NAXD: variants seen among roughly 807,000 people sequenced by gnomAD.
NAXD encodes ATP-dependent (S)-NAD(P)H-hydrate dehydratase.
Under a neutral mutation model 35.8 loss-of-function variants are expected in NAXD, and 22 were observed. That is an observed-to-expected ratio of 0.62 (90% confidence interval 0.44 to 0.88). The LOEUF is 0.88. Ranked by LOEUF, NAXD falls within the 40% of genes least tolerant of loss-of-function variation. The pLI is 0.00. For missense variants in NAXD, 428 were observed against 437.7 expected, an observed-to-expected ratio of 0.98 and a Z score of 0.20; for synonymous variants, 189 against 177.6, an observed-to-expected ratio of 1.06 and a Z score of -0.51.
intron 5 of NAXD, among the ~76,000 whole-genome samples, chr13:110,629,870 A>G (rs1392433857): frequency 6.6e-6 from 1 of 152,132 alleles, no homozygotes; most frequent in Non-Finnish European, 1.5e-5. Context: ...GATTCTCCAC[A>G]TCGTTCCCAG....
chr13:110,637,453 G>T (rs1004327424), intron 9 of NAXD, among the ~76,000 whole-genome samples: 11 of 152,124 alleles, frequency 7.2e-5, no homozygotes, highest in African/African-American at 2.7e-4. Flanking sequence ...ATTCACTGTG[G>T]ATGGGGCCTG....
intron 5 of NAXD, among the ~76,000 whole-genome samples, chr13:110,629,516 G>C (rs973596599): frequency 4.6e-5 from 7 of 152,102 alleles, no homozygotes; most frequent in African/African-American, 1.7e-4. Flanking sequence ...TATGCTTTCT[G>C]TCTCTCTGGA....
chr13:110,619,689 G>T (rs554467600), intron 1 of NAXD, among the ~76,000 whole-genome samples: 1 of 152,220 alleles, frequency 6.6e-6, no homozygotes, highest in South Asian at 2.1e-4. Context: ...GTCACCACTG[G>T]GTGCGTGTAC....
chr13:110,634,892 C>A, intron 7 of NAXD, 116 bp downstream of exon 7: 1 of 740,154 alleles, frequency 1.4e-6, no homozygotes, highest in African/African-American at 1.7e-5. Flanking sequence ...TGCAAGTAAT[C>A]GCTGTGCCTC....
rs1379116786 is a variant in NAXD at position 110,615,599 on chromosome 13, C to A, written c.-3C>A. The A allele has an allele frequency of 5.0e-6, 7 of 1,394,784 alleles. No homozygotes were observed. The highest frequency in any genetic ancestry group is 3.1e-5 in the East Asian group (1 of 32,588). The allele number at this position is 1,394,784 out of a possible 1,614,324, so 86.4% of individuals were successfully genotyped here. On this transcript the variant is annotated 5_prime_UTR_variant, in exon 1 of 10. Transcript: ENST00000680254. ...GGCAGCTGGGAATCCGGAATGCTGC[C>A]CGATGGCCCTGGGTCCTCGCTGTGG...
At position 110,624,765 on chromosome 13, in the gene NAXD, A is replaced by G. The variant is rs142777082; in HGVS notation, c.244-425A>G. Among the ~76,000 whole-genome samples, 1,129 of 152,334 alleles carry G rather than the reference A, an allele frequency of 7.4e-3. 21 individuals are homozygous for G. The highest frequency in any genetic ancestry group is 0.018 in the East Asian group (93 of 5,178). On this transcript the variant is annotated intron_variant, in intron 3 of 9. Coordinates refer to ENST00000680254, the MANE Select transcript of NAXD (RefSeq NM_001242882.2). Reference sequence around the variant, plus strand: ...GCGTGAGCCACTGCACCTGGCCTCAATTGAAGCCCATTTTTAAAACCTAAA... The same window carrying G: ...GCGTGAGCCACTGCACCTGGCCTCAGTTGAAGCCCATTTTTAAAACCTAAA...
chr13:110,636,304 T>TAGAACA (rs1366989668), intron 8 of NAXD, among the ~76,000 whole-genome samples: 1 of 152,234 alleles, frequency 6.6e-6, no homozygotes, highest in Non-Finnish European at 1.5e-5. Flanking sequence ...CACTGAGGCG[T>TAGAACA]CTGTGGGCGG....
rs188622845 is a variant in NAXD at position 110,632,183 on chromosome 13, G to A, written c.442-2362G>A. Among the ~76,000 whole-genome samples, 336 of 128,556 alleles carry A rather than the reference G, an allele frequency of 2.6e-3. 1 individual carries two copies. Among genetic ancestry groups the A allele is most frequent in the African/African-American group, 8.0e-3 (279 of 34,770 alleles). 84.3% of individuals were successfully genotyped at this position (128,556 alleles called of 152,430 possible). On this transcript the variant is annotated intron_variant, in intron 5 of 9. Coordinates refer to ENST00000680254, the MANE Select transcript of NAXD (RefSeq NM_001242882.2). ...TTCGTGGTCTCTGTCTCAGGAGTGA[G>A]GCTACAGACCTTCGCGGTGAGTGTT...
At chr13:110,621,034 G>C (rs190649839) in intron 1 of NAXD, among the ~76,000 whole-genome samples, 1 of 152,226 alleles carries the variant, frequency 6.6e-6, no homozygotes, top group Non-Finnish European at 1.5e-5. Context: ...GCCAATTGAA[G>C]TGTAGCTGTT....
rs749591664 is a variant in NAXD at position 110,625,270 on chromosome 13, C to T, written c.324C>T (p.His108=). The change falls in exon 4 of 10, where the codon CAC becomes CAT. Residue 108 remains histidine (H), a synonymous_variant. Transcript: ENST00000680254. ...CCTACAGCCCGGAGCTGATCGTCCA[C>T]CCAGTTCTGTGAGTCGCTCTGCGCC... ...IKAYSPELIV[H]PVLDSPNAVH... is the part of the protein sequence containing the mutation. The T allele has an allele frequency of 6.2e-7, 1 of 1,611,682 alleles. No individual in the cohort carries two copies. The highest frequency in any genetic ancestry group is 1.3e-5 in the African/African-American group (1 of 75,002).
intron 8 of NAXD, among the ~76,000 whole-genome samples, chr13:110,636,356 CAT>C (rs757981855): frequency 2.1e-4 from 30 of 146,318 alleles, no homozygotes; most frequent in Non-Finnish European, 3.0e-4. Flanking sequence ...TTCACATGCA[CAT>C]ATGTGCACAC....
chr13:110,622,413 G>C, intron 2 of NAXD, 47 bp downstream of exon 2: 1 of 1,595,288 alleles, frequency 6.3e-7, no homozygotes, highest in Non-Finnish European at 8.6e-7. Context: ...TCAGTTGCTG[G>C]CTGGCTGCTT....
chr13:110,637,358 C>G, intron 9 of NAXD, 109 bp downstream of exon 9: 1 of 1,282,094 alleles, frequency 7.8e-7, no homozygotes, highest in Admixed American at 1.9e-5. Flanking sequence ...ACAATGAACT[C>G]TAGGCTTCAC....
chr13:110,627,646 G>A, intron 5 of NAXD, 99 bp downstream of exon 5: 1 of 767,374 alleles, frequency 1.3e-6, no homozygotes, highest in Non-Finnish European at 2.2e-6. Flanking sequence ...AGTGTTCCGT[G>A]TGCCTCTTTG....
At chr13:110,623,211 T>C (rs1454854963) in intron 2 of NAXD, among the ~76,000 whole-genome samples, 1 of 152,146 alleles carries the variant, frequency 6.6e-6, no homozygotes, top group Non-Finnish European at 1.5e-5. Flanking sequence ...TTCTGTACTG[T>C]CTTTTGCATT....
In NAXD at chr13:110,615,565, C is replaced by T; in HGVS notation, c.-37C>T. On this transcript the variant is annotated 5_prime_UTR_variant, in exon 1 of 10. The change creates a new upstream start codon in the 5' untranslated region. Coordinates refer to ENST00000680254, the MANE Select transcript of NAXD (RefSeq NM_001242882.2). ...CTTCCAATGGCTGTGTTTCCGGCGA[C>T]GGCGCGGGGGCAGCTGGGAATCCGG... The T allele has an allele frequency of 7.5e-7, 1 of 1,334,974 alleles. No individual in the cohort carries two copies. Among genetic ancestry groups the T allele is most frequent in the Non-Finnish European group, 9.6e-7 (1 of 1,041,816 alleles). 82.7% of individuals were successfully genotyped at this position (1,334,974 alleles called of 1,614,324 possible). A position where few individuals can be genotyped will look rare whatever the true frequency, so the allele number is the denominator to read the frequency against.
chr13:110,622,703 T>G (rs1886314338), intron 2 of NAXD, among the ~76,000 whole-genome samples: 2 of 152,244 alleles, frequency 1.3e-5, no homozygotes, highest in African/African-American at 4.8e-5. Context: ...CAGCAACCTC[T>G]TGGTTTACTT....
In NAXD at chr13:110,623,861, G is replaced by A. The variant is rs544518340; in HGVS notation, c.198-373G>A. ...CTACTAAAACTACAAAATTAGCCGG[G>A]TGTGGTGGCGCATGCCTGTAATCCC... On this transcript the variant is annotated intron_variant, in intron 2 of 9. Coordinates refer to ENST00000680254, the MANE Select transcript of NAXD (RefSeq NM_001242882.2). 9.5e-4 allele frequency among the ~76,000 whole-genome samples: 145 copies of A among 152,230 alleles called. 1 individual carries two copies. The South Asian group carries it at 0.017, about 18-fold the overall frequency.
Position 110,621,165 on chromosome 13 carries a change from A to C in NAXD, c.47-1051A>C, listed in dbSNP as rs150437865. Among the ~76,000 whole-genome samples, 804 of 152,316 alleles carry C rather than the reference A, an allele frequency of 5.3e-3. 12 individuals are homozygous for C. Among genetic ancestry groups the C allele is most frequent in the African/African-American group, 0.019 (785 of 41,558 alleles). ...AATTAATACCCAGTTGAGTGTTGGA[A>C]TACAGTTGGGAGTAATATGATGAAT... On this transcript the variant is annotated intron_variant, in intron 1 of 9. Transcript: ENST00000680254.
Sources: allele counts gnomAD v4.1 joint callset (sites outside exome capture counted in the v4.1 genomes callset), GRCh38; gene constraint gnomAD v4.1.1; transcripts MANE v1.5; gene names NCBI Gene and HGNC (gene_info 2026-07-23, HGNC 2026-07-21).